SYN2: variants seen among roughly 807,000 people sequenced by gnomAD.
The protein encoded by SYN2 is synapsin II.
A neutral mutation model predicts 50.9 loss-of-function variants in SYN2; 19 were observed. The ratio of observed to expected loss-of-function variants is 0.37; its 90% CI spans 0.26 to 0.55. The LOEUF (loss-of-function observed/expected upper bound fraction) is 0.55. Among genes scored for constraint, SYN2 ranks in the 20% least tolerant of loss-of-function variants. SYN2 has a pLI of 0.81. For synonymous variants in SYN2, 255 were observed against 224.9 expected (o/e 1.13, Z -1.20); for missense variants, 587 against 576.4 (o/e 1.02, Z -0.19).
At chr3:12,011,510 T>C (rs1693911786) in intron 1 of SYN2, among the ~76,000 whole-genome samples, 2 of 152,208 alleles carry the variant, frequency 1.3e-5, no homozygotes, top group South Asian at 4.1e-4. Flanking sequence ...TAGGAGGATG[T>C]ATATGGGCCT....
chr3:12,103,441 C>A (rs1696117856), intron 1 of SYN2, among the ~76,000 whole-genome samples: 1 of 152,070 alleles, frequency 6.6e-6, no homozygotes, highest in Non-Finnish European at 1.5e-5. Context: ...TGGATTTTAG[C>A]AATAGATGTC....
intron 1 of SYN2, among the ~76,000 whole-genome samples, chr3:12,040,402 G>A (rs919037213): frequency 2.6e-5 from 4 of 151,192 alleles, no homozygotes; most frequent in African/African-American, 9.7e-5. Context: ...TTGGTAGACA[G>A]CATCAACGGT....
chr3:12,044,199 A>T (rs201491823), intron 1 of SYN2, among the ~76,000 whole-genome samples: 5 of 150,016 alleles, frequency 3.3e-5, no homozygotes, highest in African/African-American at 7.3e-5. Context: ...ACACACACAC[A>T]CACACACACA....
At chr3:12,035,481 C>T (rs1343241808) in intron 1 of SYN2, among the ~76,000 whole-genome samples, 1 of 152,214 alleles carries the variant, frequency 6.6e-6, no homozygotes, top group African/African-American at 2.4e-5. Flanking sequence ...TATTGCAGGG[C>T]ACCAAGCAAT....
chr3:12,160,560 G>C (rs983459233), intron 5 of SYN2, among the ~76,000 whole-genome samples: 2 of 152,202 alleles, frequency 1.3e-5, no homozygotes, highest in Admixed American at 1.3e-4. Flanking sequence ...GAAATGCCCG[G>C]GTTAGCATCC....
At chr3:12,118,389 C>T (rs1696481168) in intron 1 of SYN2, among the ~76,000 whole-genome samples, 1 of 152,064 alleles carries the variant, frequency 6.6e-6, no homozygotes, top group South Asian at 2.1e-4. Flanking sequence ...ATAGCGAGAC[C>T]CTGTCTCTAA....
intron 6 of SYN2, 58 bp from the exon 7 acceptor site, chr3:12,161,954 C>T: frequency 6.3e-7 from 1 of 1,597,480 alleles, no homozygotes; most frequent in Admixed American, 1.7e-5. Flanking sequence ...CTTGTGACTT[C>T]TCAGTGTGTG....
chr3:12,134,424 G>A (rs113293114), intron 1 of SYN2, among the ~76,000 whole-genome samples: 6 of 152,324 alleles, frequency 3.9e-5, no homozygotes, highest in Admixed American at 1.3e-4. Context: ...AGCCAGCAGT[G>A]TGCTGGGCCC....
intron 10 of SYN2, among the ~76,000 whole-genome samples, chr3:12,173,539 C>T (rs1257226301): frequency 6.6e-6 from 1 of 152,202 alleles, no homozygotes; most frequent in Non-Finnish European, 1.5e-5. Flanking sequence ...TAGCCACCGT[C>T]TCCCTTTTAC....
chr3:12,099,452 A>C (rs181103262), intron 1 of SYN2, among the ~76,000 whole-genome samples: 45 of 152,332 alleles, frequency 3.0e-4, no homozygotes, highest in African/African-American at 1.1e-3. Flanking sequence ...CAACACTCTT[A>C]CACAACCAAT....
chr3:12,005,570 G>A (rs1318990609), intron 1 of SYN2, among the ~76,000 whole-genome samples: 1 of 79,940 alleles, frequency 1.3e-5, no homozygotes, highest in East Asian at 4.5e-4. Flanking sequence ...GAGGGGACGT[G>A]TGGAATTTTT....
chr3:12,131,544 A>G (rs1034445485), intron 1 of SYN2, among the ~76,000 whole-genome samples: 5 of 152,234 alleles, frequency 3.3e-5, no homozygotes, highest in Admixed American at 2.6e-4. Flanking sequence ...AGTCATGGAA[A>G]GAAAATCTGT....
At chr3:12,070,667 C>T (rs1190797091) in intron 1 of SYN2, 2 of 1,247,574 alleles carry the variant, frequency 1.6e-6, no homozygotes, top group East Asian at 3.8e-5. Context: ...CCCTCTATGC[C>T]TCTGGATGCA....
rs766713485 is a variant in SYN2 at position 12,158,971 on chromosome 3, G to T, written c.775-2575G>T. Reference sequence around the variant, plus strand: ...TGGCCCTAAGGGCCAATCCCGCCCCGACGGGCTCCGCCTTCCTTTGGCTCT... The same window carrying T: ...TGGCCCTAAGGGCCAATCCCGCCCCTACGGGCTCCGCCTTCCTTTGGCTCT... On this transcript the variant is annotated intron_variant, in intron 5 of 12. Transcript: ENST00000621198. 2.3e-6 allele frequency: 3 copies of T among 1,329,292 alleles called. No homozygotes were observed. The South Asian group carries it at 4.8e-5, about 21-fold the overall frequency. 82.3% of individuals were successfully genotyped at this position (1,329,292 alleles called of 1,614,324 possible). A position where few individuals can be genotyped will look rare whatever the true frequency, so the allele number is the denominator to read the frequency against.
intron 11 of SYN2, chr3:12,183,592 C>T: frequency 6.8e-7 from 1 of 1,480,384 alleles, no homozygotes; most frequent in Non-Finnish European, 8.9e-7. Flanking sequence ...AGTGTCAGCT[C>T]CTCTGTCTGG....
intron 1 of SYN2, among the ~76,000 whole-genome samples, chr3:12,121,931 A>G (rs1696569563): frequency 6.6e-6 from 1 of 152,120 alleles, no homozygotes. Flanking sequence ...GGGTTTCTGT[A>G]TTACAGTCTT....
At chr3:12,144,345 G>A (rs1697096324) in intron 3 of SYN2, among the ~76,000 whole-genome samples, 1 of 152,182 alleles carries the variant, frequency 6.6e-6, no homozygotes, top group Non-Finnish European at 1.5e-5. Context: ...GGGAAGTCTG[G>A]CATCTGTCCT....
chr3:12,067,631 GGAAA>G (rs1459110609), intron 1 of SYN2, among the ~76,000 whole-genome samples: 4 of 145,694 alleles, frequency 2.7e-5, no homozygotes, highest in South Asian at 2.2e-4. Context: ...AAAAAAAAAA[GGAAA>G]GAAAGAAAGG....
At chr3:12,092,371 C>G (rs569943617) in intron 1 of SYN2, among the ~76,000 whole-genome samples, 9 of 152,136 alleles carry the variant, frequency 5.9e-5, no homozygotes, top group African/African-American at 1.4e-4. Flanking sequence ...TTGCTTTCCA[C>G]GAGCTCATTC....
Sources: allele counts gnomAD v4.1 joint callset (sites outside exome capture counted in the v4.1 genomes callset), GRCh38; gene constraint gnomAD v4.1.1; transcripts MANE v1.5; gene names NCBI Gene and HGNC (gene_info 2026-07-23, HGNC 2026-07-21).